Variants in ADAM32 observed in about 807,000 individuals in gnomAD.
ADAM32 encodes disintegrin and metalloproteinase domain-containing protein 32.
Under a neutral mutation model 114.9 loss-of-function variants are expected in ADAM32, and 89 were observed. The ratio of observed to expected loss-of-function variants is 0.77; its 90% CI spans 0.65 to 0.92. The LOEUF is 0.92. ADAM32 is among the 40% of genes least tolerant of loss of function. The probability of loss-of-function intolerance (pLI) is 0.00; values close to 1 mark genes in which losing one functional copy is unlikely to be tolerated. For synonymous variants in ADAM32, 285 were observed against 307.5 expected (o/e 0.93, Z 0.77); for missense variants, 870 against 932.8 (o/e 0.93, Z 0.88).
At chr8:39,206,844 A>C (rs1275885323) in intron 11 of ADAM32, among the ~76,000 whole-genome samples, 1 of 151,712 alleles carries the variant, frequency 6.6e-6, no homozygotes, top group African/African-American at 2.4e-5. Flanking sequence ...CAGGATCTGA[A>C]CCTGAATCTG....
chr8:39,246,421 T>C (rs1810924923), intron 17 of ADAM32, among the ~76,000 whole-genome samples: 1 of 152,224 alleles, frequency 6.6e-6, no homozygotes, highest in African/African-American at 2.4e-5. Context: ...TTAAATTTTC[T>C]GATAAATACA....
chr8:39,158,604 G>T, intron 6 of ADAM32: 1 of 282,170 alleles, frequency 3.5e-6, no homozygotes. Flanking sequence ...GTCATCACTG[G>T]GGAAGCTCTT....
chr8:39,117,010 A>C (rs533456622), intron 1 of ADAM32, among the ~76,000 whole-genome samples: 7 of 152,124 alleles, frequency 4.6e-5, no homozygotes, highest in Middle Eastern at 3.4e-3. Flanking sequence ...CAGCCTCCGG[A>C]GTAGCTGGGA....
chr8:39,182,152 A>G (rs1391670668), intron 10 of ADAM32, among the ~76,000 whole-genome samples: 2 of 152,240 alleles, frequency 1.3e-5, no homozygotes, highest in Non-Finnish European at 2.9e-5. Flanking sequence ...AAAAAAATGT[A>G]TAGGCATACA....
intron 12 of ADAM32, among the ~76,000 whole-genome samples, chr8:39,213,488 T>C (rs887055431): frequency 1.3e-5 from 2 of 152,116 alleles, no homozygotes; most frequent in Non-Finnish European, 2.9e-5. Context: ...TCTATATCTT[T>C]TTAAAAAATT....
intron 6 of ADAM32, chr8:39,158,506 CT>C: frequency 3.3e-6 from 1 of 302,618 alleles, no homozygotes. Flanking sequence ...TCTTGTTCAC[CT>C]TGGGTCCTAG....
intron 16 of ADAM32, 122 bp from the exon 17 acceptor site, chr8:39,245,961 C>G: frequency 2.6e-6 from 2 of 769,772 alleles, no homozygotes; most frequent in Middle Eastern, 7.3e-4. Context: ...AAAAGCAGTA[C>G]TTAGAGGAAA....
chr8:39,247,415 T>C (rs1173579565), intron 17 of ADAM32, among the ~76,000 whole-genome samples: 1 of 152,190 alleles, frequency 6.6e-6, no homozygotes, highest in African/African-American at 2.4e-5. Flanking sequence ...TGTAGTGGTA[T>C]TTCATTGCTG....
At chr8:39,223,837 TC>T (rs1187061746) in intron 14 of ADAM32, 4 of 152,136 alleles carry the variant, frequency 2.6e-5, no homozygotes, top group African/African-American at 9.7e-5. Context: ...ATCATTCTAC[TC>T]TCTGCATTTT....
chr8:39,271,276 T>C (rs1261179942), intron 20 of ADAM32, among the ~76,000 whole-genome samples: 1 of 152,188 alleles, frequency 6.6e-6, no homozygotes, highest in Non-Finnish European at 1.5e-5. Flanking sequence ...ACATGTATGA[T>C]GGTGGTTCCA....
intron 11 of ADAM32, among the ~76,000 whole-genome samples, chr8:39,187,504 C>A (rs1352645352): frequency 6.6e-6 from 1 of 152,186 alleles, no homozygotes; most frequent in Non-Finnish European, 1.5e-5. Flanking sequence ...ATCTCCTGAC[C>A]TCATGATCCG....
chr8:39,200,849 C>T (rs1309829631), intron 11 of ADAM32, among the ~76,000 whole-genome samples: 1 of 152,120 alleles, frequency 6.6e-6, no homozygotes, highest in Non-Finnish European at 1.5e-5. Flanking sequence ...TATGGCTAGC[C>T]AGTTTTCCCA....
rs750308020 is a variant in ADAM32, at chr8:39,211,247, C to CA, written c.1164dup (p.Ser389IlefsTer15). ...ATGTCTTCAGAATAAGCCACAAATG[C>CA]AAAAAAAATCTCCGAAACCAGTCTG... On this transcript the variant is annotated frameshift_variant, in exon 12 of 25. Coordinates refer to ENST00000379907, the MANE Select transcript of ADAM32 (RefSeq NM_145004.7). LOFTEE classifies it high-confidence loss of function. 1.9e-5 allele frequency: 30 copies of CA among 1,600,378 alleles called. No homozygotes were observed. Among genetic ancestry groups the CA allele is most frequent in the East Asian group, 4.5e-5 (2 of 44,172 alleles).
chr8:39,107,781 C>T lies in ADAM32; in HGVS notation c.6C>T (p.Phe2=). The T allele has an allele frequency of 1.3e-6, 2 of 1,550,674 alleles. No homozygotes were observed. The highest frequency in any genetic ancestry group is 1.2e-5 in the South Asian group (1 of 84,034). M[F]RLWLLLAGLC... ...GGCAGCCCCGAAGCCGCACCATGTT[C>T]CGCCTCTGGTTGCTGCTGGCCGGGC... The change falls in exon 1 of 25, where the codon TTC becomes TTT. Residue 2 remains phenylalanine, a synonymous_variant. Transcript: ENST00000379907.
At chr8:39,274,541 C>G (rs995567624) in intron 21 of ADAM32, among the ~76,000 whole-genome samples, 191 bp downstream of exon 21, 2 of 152,062 alleles carry the variant, frequency 1.3e-5, no homozygotes, top group African/African-American at 4.8e-5. Flanking sequence ...TAAATGTTTA[C>G]TGGAGGTCTC....
chr8:39,134,222 A>G (rs1366115720), intron 2 of ADAM32, among the ~76,000 whole-genome samples: 1 of 151,986 alleles, frequency 6.6e-6, no homozygotes, highest in Non-Finnish European at 1.5e-5. Context: ...CTGGGCTTTC[A>G]ACATGGTACT....
chr8:39,284,543 A>T (rs1041854509), intron 24 of ADAM32, among the ~76,000 whole-genome samples: 2 of 151,826 alleles, frequency 1.3e-5, no homozygotes, highest in Admixed American at 1.3e-4. Context: ...ATATGAAAAA[A>T]TTTTAATTTT....
chr8:39,258,830 A>G (rs1271533829), intron 19 of ADAM32, among the ~76,000 whole-genome samples: 1 of 152,108 alleles, frequency 6.6e-6, no homozygotes, highest in Non-Finnish European at 1.5e-5. Context: ...TTCGCTTCAG[A>G]TATTCTGAGG....
At chr8:39,281,228 GA>G in intron 23 of ADAM32, 54 bp downstream of exon 23, 3 of 1,114,890 alleles carry the variant, frequency 2.7e-6, no homozygotes, top group Non-Finnish European at 3.6e-6. Context: ...AATTCAGAAT[GA>G]AAAAGTTGAT....
Sources: allele counts gnomAD v4.1 joint callset (sites outside exome capture counted in the v4.1 genomes callset), GRCh38; gene constraint gnomAD v4.1.1; transcripts MANE v1.5; gene names NCBI Gene and HGNC (gene_info 2026-07-23, HGNC 2026-07-21).